Variants in RAB6B observed in about 807,000 individuals in gnomAD.
RAB6B encodes the protein ras-related protein Rab-6B.
Under a neutral mutation model 31.2 loss-of-function variants are expected in RAB6B, and 7 were observed. The ratio of observed to expected loss-of-function variants is 0.22; its 90% CI spans 0.13 to 0.42. The LOEUF (loss-of-function observed/expected upper bound fraction) is 0.42, where lower values mean the gene tolerates loss of function less well. Ranked by LOEUF, RAB6B falls within the 10% of genes least tolerant of loss-of-function variation. The pLI, the probability that RAB6B is intolerant of heterozygous loss-of-function variation, is 1.00. For synonymous variants in RAB6B, 105 were observed against 104.9 expected, an observed-to-expected ratio of 1.00 and a Z score of -0.01; for missense variants, 149 against 280.6, an observed-to-expected ratio of 0.53 and a Z score of 3.35.
chr3:133,890,462 G>A (rs934156079), intron 1 of RAB6B, among the ~76,000 whole-genome samples: 6 of 152,174 alleles, frequency 3.9e-5, no homozygotes, highest in East Asian at 1.9e-4. Context: ...AAAATTAGCC[G>A]GGCGTATTGG....
chr3:133,892,420 T>A (rs1936649705), intron 1 of RAB6B, among the ~76,000 whole-genome samples: 1 of 151,962 alleles, frequency 6.6e-6, no homozygotes, highest in African/African-American at 2.4e-5. Flanking sequence ...TCCTCCAGAG[T>A]GGCTTCTCAA....
Position 133,872,913 on chromosome 3 carries a change from G to A in RAB6B, c.71-8271C>T, listed in dbSNP as rs151217168. On this transcript the variant is annotated intron_variant, in intron 1 of 7. Transcript: ENST00000285208. ...GAAAGGGGAGGGTAGAGGGGAGGGAGGAGTCAAAAGAAGGTGAGGGAGGGA... is the reference window on the plus strand; with the variant it reads ...GAAAGGGGAGGGTAGAGGGGAGGGAAGAGTCAAAAGAAGGTGAGGGAGGGA... Among the ~76,000 whole-genome samples, 674 of 152,300 alleles carry A rather than the reference G, an allele frequency of 4.4e-3. 3 individuals are homozygous for A. Among genetic ancestry groups the A allele is most frequent in the Non-Finnish European group, 5.6e-3 (381 of 68,030 alleles).
At chr3:133,839,708 G>A (rs1447992402) in intron 4 of RAB6B, 91 bp from the exon 5 acceptor site, 1 of 931,812 alleles carries the variant, frequency 1.1e-6, no homozygotes, top group Non-Finnish European at 1.8e-6. Context: ...GCAGGAGGGA[G>A]GGTGAGCATG....
At chr3:133,882,651 C>T (rs759690748) in intron 1 of RAB6B, among the ~76,000 whole-genome samples, 10 of 152,232 alleles carry the variant, frequency 6.6e-5, no homozygotes, top group African/African-American at 9.6e-5. Context: ...GCTGCTCTAT[C>T]CAGTTCTCCC....
intron 1 of RAB6B, chr3:133,885,761 C>T (rs1307131169): frequency 1.3e-5 from 8 of 607,904 alleles, no homozygotes; most frequent in Non-Finnish European, 2.3e-5. Flanking sequence ...AGTCCCTCCC[C>T]TACAATCCTT....
intron 2 of RAB6B, among the ~76,000 whole-genome samples, chr3:133,850,192 CG>C (rs1001725419): frequency 3.9e-5 from 6 of 151,996 alleles, no homozygotes; most frequent in South Asian, 2.1e-4. Context: ...CTGCCTACCA[CG>C]GGGGGGAGAA....
intron 7 of RAB6B, 50 bp from the exon 8 acceptor site, chr3:133,828,902 C>T (rs1190908090): frequency 6.7e-7 from 1 of 1,489,530 alleles, no homozygotes; most frequent in Non-Finnish European, 9.2e-7. Flanking sequence ...AAGCTGCCAC[C>T]CCACTTAGCC....
Position 133,839,634 on chromosome 3 carries a change from A to G in RAB6B, c.290-17T>C, listed in dbSNP as rs764317220. 9 of 1,590,816 alleles carry G rather than the reference A, an allele frequency of 5.7e-6. No individual in the cohort carries two copies. The highest frequency in any genetic ancestry group is 1.7e-4 in the Middle Eastern group (1 of 6,024). ...AGTTGAGATCTGGAGGCAGAAAGTG[A>G]GGATAAACTGAAAGCCAGGGCCAGC... On this transcript the variant is annotated splice_polypyrimidine_tract_variant and intron_variant, in intron 4 of 7. Coordinates refer to ENST00000285208, the MANE Select transcript of RAB6B (RefSeq NM_016577.4).
Position 133,895,818 on chromosome 3 carries a change from G to T in RAB6B, c.-352C>A, listed in dbSNP as rs1015777252. ...GGGACGGCGCGCGGGGCGGAGGAGC[G>T]CTCTCCAGAGCCGCGCCAGTCGGCC... On this transcript the variant is annotated 5_prime_UTR_variant, in exon 1 of 8. Transcript: ENST00000285208. The T allele has an allele frequency of 4.0e-6, 1 of 252,546 alleles. No homozygotes were observed. The highest frequency in any genetic ancestry group is 7.5e-6 in the Non-Finnish European group (1 of 133,094). 15.6% of individuals were successfully genotyped at this position (252,546 alleles called of 1,614,324 possible). A position where few individuals can be genotyped will look rare whatever the true frequency, so the allele number is the denominator to read the frequency against.
chr3:133,867,743 T>C (rs1936257789), intron 1 of RAB6B, among the ~76,000 whole-genome samples: 1 of 152,168 alleles, frequency 6.6e-6, no homozygotes, highest in South Asian at 2.1e-4. Flanking sequence ...TGGAAGTGCT[T>C]TGTGGGGTAC....
chr3:133,871,045 G>C (rs2108007379), intron 1 of RAB6B, among the ~76,000 whole-genome samples: 1 of 152,374 alleles, frequency 6.6e-6, no homozygotes, highest in South Asian at 2.1e-4. Flanking sequence ...GCAGGTCCCA[G>C]GTAAACAGAT....
chr3:133,852,520 GAGTGCAGTGGCATGA>G (rs1486733622), intron 2 of RAB6B, among the ~76,000 whole-genome samples: 24 of 150,988 alleles, frequency 1.6e-4, no homozygotes, highest in Non-Finnish European at 3.0e-4. Context: ...GCCCAGGCTG[GAGTGCAGTGGCATGA>G]ACACAGATCC....
At chr3:133,857,166 A>T (rs1936092381) in intron 2 of RAB6B, among the ~76,000 whole-genome samples, 1 of 152,150 alleles carries the variant, frequency 6.6e-6, no homozygotes, top group African/African-American at 2.4e-5. Context: ...GCACATTTCT[A>T]TCAACAGTGG....
At chr3:133,863,242 T>C (rs1258987709) in intron 2 of RAB6B, among the ~76,000 whole-genome samples, 1 of 152,136 alleles carries the variant, frequency 6.6e-6, no homozygotes, top group African/African-American at 2.4e-5. Context: ...TTTCAGACCA[T>C]AGCAGAGTAG....
rs1011330887 is a variant in RAB6B, at chr3:133,826,520, T to A, written c.*2268A>T. 1 of 152,700 alleles carries A rather than the reference T, an allele frequency of 6.5e-6. No individual in the cohort carries two copies. Among genetic ancestry groups the A allele is most frequent in the African/African-American group, 2.4e-5 (1 of 41,482 alleles). The allele number at this position is 152,700 out of a possible 1,614,324, so 9.5% of individuals were successfully genotyped here. ...AGAGGCCACAGGTGATGGCCCCCGCTGCCAACCAGGCAGGACACTGTCATG... is the reference window on the plus strand; with the variant it reads ...AGAGGCCACAGGTGATGGCCCCCGCAGCCAACCAGGCAGGACACTGTCATG... On this transcript the variant is annotated 3_prime_UTR_variant, in exon 8 of 8. Transcript: ENST00000285208.
chr3:133,840,098 G>A (rs144859137), intron 4 of RAB6B, among the ~76,000 whole-genome samples: 2,507 of 152,184 alleles, frequency 0.016, 35 homozygotes, highest in Non-Finnish European at 0.028. Context: ...ACTGAGTGGT[G>A]TCCCCACCAT....
chr3:133,868,466 G>GA (rs1157012493), intron 1 of RAB6B, among the ~76,000 whole-genome samples: 2 of 152,208 alleles, frequency 1.3e-5, no homozygotes, highest in Admixed American at 6.5e-5. Context: ...GTTTCTGCGG[G>GA]AGCTGTCCTC....
At chr3:133,860,031 G>A (rs1354326866) in intron 2 of RAB6B, among the ~76,000 whole-genome samples, 1 of 152,086 alleles carries the variant, frequency 6.6e-6, no homozygotes, top group Admixed American at 6.5e-5. Flanking sequence ...GGCCGGAGGG[G>A]CTCGGAGCCT....
intron 1 of RAB6B, among the ~76,000 whole-genome samples, chr3:133,890,359 C>T (rs923647666): frequency 3.9e-5 from 6 of 152,130 alleles, no homozygotes; most frequent in African/African-American, 1.2e-4. Context: ...AATCCCAGCA[C>T]TCTGGGAGGC....
Sources: gnomAD v4.1 joint callset for allele counts (sites outside exome capture counted in the v4.1 genomes callset) on GRCh38, gnomAD v4.1.1 for gene constraint, MANE v1.5 for transcripts, NCBI Gene and HGNC (gene_info 2026-07-23, HGNC 2026-07-21) for gene names.